Variants in TSPEAR observed in about 807,000 individuals in gnomAD.
The protein encoded by TSPEAR is thrombospondin type laminin G domain and EAR repeats, also known as thrombospondin-type laminin G domain and EAR repeat-containing protein.
TSPEAR carries 69 observed loss-of-function variants against 71.6 expected under a neutral mutation model. That is an observed-to-expected ratio of 0.96 (90% CI 0.79 to 1.18). The LOEUF (loss-of-function observed/expected upper bound fraction) is 1.18, where lower values mean the gene tolerates loss of function less well. Among genes scored for constraint, TSPEAR ranks in the 50% most tolerant of loss-of-function variants. TSPEAR has a pLI of 0.00. For missense variants in TSPEAR, 971 were observed against 894.9 expected (o/e 1.09, Z -1.09); for synonymous variants, 402 against 387.2 (o/e 1.04, Z -0.45).
intron 1 of TSPEAR, among the ~76,000 whole-genome samples, chr21:44,625,457 A>G (rs1982708653): frequency 1.3e-5 from 2 of 152,256 alleles, no homozygotes; most frequent in Non-Finnish European, 2.9e-5. Flanking sequence ...ACAAAAAGAA[A>G]TATTGATAAT....
chr21:44,649,860 C>G (rs587644896), intron 1 of TSPEAR, among the ~76,000 whole-genome samples: 2 of 152,150 alleles, frequency 1.3e-5, no homozygotes, highest in Non-Finnish European at 2.9e-5. Context: ...CACTGACGCA[C>G]AGAGGAACCC....
intron 1 of TSPEAR, among the ~76,000 whole-genome samples, chr21:44,660,925 C>T (rs1985452575): frequency 6.6e-6 from 1 of 151,888 alleles, no homozygotes; most frequent in South Asian, 2.1e-4. Flanking sequence ...CAAGATCGCA[C>T]CACTGCACTC....
At chr21:44,527,546 T>TC in intron 6 of TSPEAR, 28 bp from the exon 7 acceptor site, 1 of 1,607,626 alleles carries the variant, frequency 6.2e-7, no homozygotes, top group Non-Finnish European at 8.5e-7. Flanking sequence ...GTGACTCGGT[T>TC]AAGATTTCCG....
intron 1 of TSPEAR, among the ~76,000 whole-genome samples, chr21:44,616,668 A>G (rs1313508362): frequency 6.6e-6 from 1 of 152,156 alleles, no homozygotes; most frequent in Non-Finnish European, 1.5e-5. Flanking sequence ...TCAGCACCCA[A>G]TTCGAGAGCT....
rs587751160 is a variant in TSPEAR, at chr21:44,560,635, C to T, written c.303+7150G>A. Among the ~76,000 whole-genome samples, 3 of 152,142 alleles carry T rather than the reference C, an allele frequency of 2.0e-5. No individual in the cohort carries two copies. In the South Asian group the frequency reaches 6.2e-4, roughly 32 times the overall value. The stretch of plus-strand genomic sequence containing the variant: ...AGAACTGAAATCATAACAAAGTCTA[C>T]CGGACCACAGTGCAATCAAATTAGA... On this transcript the variant is annotated intron_variant, in intron 2 of 11. Transcript: ENST00000323084.
At chr21:44,697,537 T>A in intron 1 of TSPEAR, 1 of 1,612,922 alleles carries the variant, frequency 6.2e-7, no homozygotes, top group Non-Finnish European at 8.5e-7. Flanking sequence ...GCTGCAAGAC[T>A]GTCTGCTGCA....
chr21:44,596,319 T>A (rs1325438864), intron 1 of TSPEAR, among the ~76,000 whole-genome samples: 2 of 152,134 alleles, frequency 1.3e-5, no homozygotes, highest in Middle Eastern at 3.2e-3. Flanking sequence ...ATCATGCACA[T>A]CCCATCACCC....
chr21:44,702,835 T>C (rs1439018541), intron 1 of TSPEAR: 1 of 1,029,808 alleles, frequency 9.7e-7, no homozygotes, highest in Non-Finnish European at 1.5e-6. Flanking sequence ...CAGGCTCAGG[T>C]TCCCCCCAAC....
intron 1 of TSPEAR, chr21:44,575,019 A>G (rs1555923723): frequency 1.9e-6 from 3 of 1,594,904 alleles, no homozygotes; most frequent in South Asian, 1.1e-5. Context: ...TCAGAAGCCC[A>G]GCTGCTGATG....
Position 44,525,582 on chromosome 21 carries a change from C to T in TSPEAR, c.1336+71G>A, listed in dbSNP as rs587655530. The T allele has an allele frequency of 1.6e-5, 23 of 1,473,556 alleles. No homozygotes were observed. In the Admixed American group the frequency reaches 1.6e-4, roughly 10 times the overall value. 91.3% of individuals were successfully genotyped at this position (1,473,556 alleles called of 1,614,324 possible). ...ATTGTTTTCTAATAAGATACACATT[C>T]GCCCTGCCTGCAAGTCTCGCTCTGC... On this transcript the variant is annotated intron_variant, in intron 8 of 11. Transcript: ENST00000323084.
chr21:44,558,678 T>C lies in TSPEAR; in HGVS notation c.303+9107A>G, dbSNP rs200908019. 2.6e-4 allele frequency: 425 copies of C among 1,612,518 alleles called. No individual in the cohort carries two copies. In the African/African-American group the frequency reaches 3.1e-3, roughly 12 times the overall value. ...GGCGTCCACCTGCCAGGAGTCAGAG[T>C]AAGCGCTGGAGCAGACGGACATGGT... On this transcript the variant is annotated intron_variant, in intron 2 of 11. Transcript: ENST00000323084.
intron 1 of TSPEAR, chr21:44,690,740 C>T (rs1987090176): frequency 3.2e-6 from 1 of 315,740 alleles, no homozygotes. Flanking sequence ...GTATTTTATC[C>T]TCTGGGGGTG....
Position 44,525,852 on chromosome 21 carries a change from A to G in TSPEAR, c.1150-13T>C. 1.2e-6 allele frequency: 2 copies of G among 1,613,732 alleles called. No homozygotes were observed. On this transcript the variant is annotated splice_polypyrimidine_tract_variant and intron_variant, in intron 7 of 11. Transcript: ENST00000323084. ...CTGCCAGGAAGATCTGAAAGAGAGT[A>G]AACCGGGACCACGTGGTTCTGCTTG...
intron 1 of TSPEAR, chr21:44,574,792 G>T: frequency 6.2e-7 from 1 of 1,614,100 alleles, no homozygotes; most frequent in Non-Finnish European, 8.5e-7. Context: ...CAATCTAGCT[G>T]CCAGCCAGCT....
intron 1 of TSPEAR, among the ~76,000 whole-genome samples, chr21:44,664,263 C>A (rs971589692): frequency 3.3e-5 from 5 of 151,944 alleles, no homozygotes. Flanking sequence ...TGCCAATATA[C>A]AAAAATCGAT....
chr21:44,538,582 C>A (rs1431324937), intron 2 of TSPEAR, among the ~76,000 whole-genome samples: 1 of 151,898 alleles, frequency 6.6e-6, no homozygotes, highest in African/African-American at 2.4e-5. Context: ...GCTGCTAAAA[C>A]GGGCAGAACC....
intron 2 of TSPEAR, among the ~76,000 whole-genome samples, chr21:44,555,579 C>T (rs142765874): frequency 4.6e-5 from 7 of 152,302 alleles, no homozygotes; most frequent in South Asian, 2.1e-4. Context: ...GGGAGATGGG[C>T]GGTGAAGGGC....
intron 1 of TSPEAR, chr21:44,580,656 T>A: frequency 7.0e-7 from 1 of 1,424,614 alleles, no homozygotes; most frequent in Non-Finnish European, 9.7e-7. Context: ...AAGGAGGGAG[T>A]GAGTGAGTGA....
intron 1 of TSPEAR, among the ~76,000 whole-genome samples, chr21:44,648,374 C>G (rs1984565110): frequency 6.6e-6 from 1 of 152,150 alleles, no homozygotes; most frequent in Non-Finnish European, 1.5e-5. Context: ...ACAAAAACCC[C>G]AAGAGGACCT....
Sources: allele counts gnomAD v4.1 joint callset (sites outside exome capture counted in the v4.1 genomes callset), GRCh38; gene constraint gnomAD v4.1.1; transcripts MANE v1.5; gene names NCBI Gene and HGNC (gene_info 2026-07-23, HGNC 2026-07-21).